Variants in IL12RB1 observed in about 807,000 individuals in gnomAD.
IL12RB1 encodes the protein interleukin-12 receptor subunit beta-1.
Under a neutral mutation model 94.4 loss-of-function variants are expected in IL12RB1, and 64 were observed. The ratio of observed to expected loss-of-function variants is 0.68; its 90% CI spans 0.55 to 0.83. The LOEUF is 0.83. Among genes scored for constraint, IL12RB1 ranks in the 40% least tolerant of loss-of-function variants. The pLI, the probability that IL12RB1 is intolerant of heterozygous loss-of-function variation, is 0.00. For missense variants in IL12RB1, 814 were observed against 855.6 expected, an observed-to-expected ratio of 0.95 and a Z score of 0.61; for synonymous variants, 362 against 355.5, an observed-to-expected ratio of 1.02 and a Z score of -0.21.
intron 10 of IL12RB1, 52 bp downstream of exon 10, chr19:18,069,494 T>G: frequency 6.6e-7 from 1 of 1,521,844 alleles, no homozygotes; most frequent in Non-Finnish European, 8.8e-7. Flanking sequence ...CACCAGGACC[T>G]AAAAGGGAGG....
intron 12 of IL12RB1, among the ~76,000 whole-genome samples, chr19:18,064,240 C>T (rs2034402744): frequency 6.8e-6 from 1 of 145,986 alleles, no homozygotes; most frequent in African/African-American, 2.5e-5. Flanking sequence ...CCTGGGTTCA[C>T]ACCATTCTCC....
chr19:18,095,188 A>T (rs1346686846), intron 1 of IL12RB1, among the ~76,000 whole-genome samples: 1 of 152,150 alleles, frequency 6.6e-6, no homozygotes, highest in Non-Finnish European at 1.5e-5. Flanking sequence ...CAAAATAAAT[A>T]AATAAAGAAA....
At chr19:18,064,717 G>T (rs542520008) in intron 12 of IL12RB1, among the ~76,000 whole-genome samples, 1 of 151,972 alleles carries the variant, frequency 6.6e-6, no homozygotes, top group South Asian at 2.1e-4. Flanking sequence ...CAAGTGATCC[G>T]CCCGCCTCAG....
upstream of IL12RB1, among the ~76,000 whole-genome samples, chr19:18,087,712 G>A (rs943221604): frequency 1.3e-5 from 2 of 151,310 alleles, no homozygotes; most frequent in African/African-American, 4.9e-5. Flanking sequence ...TTAAGAGAGG[G>A]GGTTTTGCCA....
chr19:18,098,901 A>G, exon 1 of IL12RB1: 1 of 410,358 alleles, frequency 2.4e-6, no homozygotes, highest in Non-Finnish European at 4.9e-6. Flanking sequence ...CGGAGTGATC[A>G]GTTGTGATAA....
chr19:18,077,519 C>A lies in IL12RB1; in HGVS notation c.546G>T (p.Lys182Asn). 1 of 1,609,626 alleles carries A rather than the reference C, an allele frequency of 6.2e-7. No homozygotes were observed. The highest frequency in any genetic ancestry group is 8.5e-7 in the Non-Finnish European group (1 of 1,177,678). ...FRHRTPSSPW[K>N]LGDCGPQDDD... ...TGGACTTGGGAAACAAACTCACCAA[C>A]TTCCATGGGCTGCTGGGTGTCCGGT... is the stretch of plus-strand genomic sequence containing the variant. Residue 182 changes from lysine (K) to asparagine (N), a missense_variant, in exon 5 of 17, where the codon AAG becomes AAT. By Grantham distance (94) the Lys-to-Asn change is moderately conservative. Transcript: ENST00000593993.
chr19:18,066,717 C>A lies in IL12RB1; in HGVS notation c.1328-20G>T. The A allele has an allele frequency of 1.3e-6, 2 of 1,598,110 alleles. No homozygotes were observed. The highest frequency in any genetic ancestry group is 2.2e-5 in the South Asian group (2 of 90,810). On this transcript the variant is annotated intron_variant, in intron 11 of 16. Coordinates refer to ENST00000593993, the MANE Select transcript of IL12RB1 (RefSeq NM_005535.3). Reference sequence around the variant, plus strand: ...CTGAGGCTGCAACCAGTACCATTGTCATAGTCAACACCAAGAATGCTGGTC... The same window carrying A: ...CTGAGGCTGCAACCAGTACCATTGTAATAGTCAACACCAAGAATGCTGGTC...
chr19:18,086,655 C>A, intron 1 of IL12RB1, 105 bp downstream of exon 1: 1 of 1,095,354 alleles, frequency 9.1e-7, no homozygotes, highest in Non-Finnish European at 1.3e-6. Flanking sequence ...AAGACTGAGG[C>A]ACAGAGAGAT....
At chr19:18,065,238 G>T (rs2034492862) in intron 12 of IL12RB1, among the ~76,000 whole-genome samples, 1 of 152,124 alleles carries the variant, frequency 6.6e-6, no homozygotes, top group African/African-American at 2.4e-5. Context: ...TGTTTTGTGG[G>T]CTTTCCTGTC....
upstream of IL12RB1, among the ~76,000 whole-genome samples, chr19:18,090,460 C>A (rs1223135762): frequency 6.6e-6 from 1 of 152,190 alleles, no homozygotes; most frequent in Admixed American, 6.5e-5. Flanking sequence ...CCCTCACTTG[C>A]CTTATTTCAC....
upstream of IL12RB1, among the ~76,000 whole-genome samples, chr19:18,087,827 G>A (rs1325667457): frequency 1.3e-5 from 2 of 151,910 alleles, no homozygotes; most frequent in African/African-American, 4.8e-5. Flanking sequence ...GGGCCATCTC[G>A]CCAGCTTCTG....
intron 2 of IL12RB1, among the ~76,000 whole-genome samples, chr19:18,082,819 G>A (rs1273778802): frequency 6.6e-6 from 1 of 152,132 alleles, no homozygotes. Context: ...GCTCATTCCT[G>A]GAATCCCAGC....
chr19:18,077,579 C>T lies in IL12RB1; in HGVS notation c.486G>A (p.Pro162=), dbSNP rs759272558. ...AGQLRMEWET[P]DNQVGAEVQF... is the part of the protein sequence containing the mutation. ...GCACCTCAGCACCAACCTGGTTATC[C>T]GGGGTCTCCCACTCCATACGCAGCT... is the stretch of plus-strand genomic sequence containing the variant. The change falls in exon 5 of 17, where the codon CCG becomes CCA. Residue 162 remains proline (P), a synonymous_variant. Coordinates refer to ENST00000593993, the MANE Select transcript of IL12RB1 (RefSeq NM_005535.3). 6.8e-6 allele frequency: 11 copies of T among 1,608,698 alleles called. No individual in the cohort carries two copies. The highest frequency in any genetic ancestry group is 2.7e-5 in the African/African-American group (2 of 74,902).
upstream of IL12RB1, among the ~76,000 whole-genome samples, chr19:18,087,193 C>T (rs539760125): frequency 6.7e-6 from 1 of 150,040 alleles, no homozygotes; most frequent in African/African-American, 2.5e-5. Flanking sequence ...GGCCAGGTCT[C>T]TGGCCCTCTC....
chr19:18,077,080 G>A (rs2035534435), intron 5 of IL12RB1, among the ~76,000 whole-genome samples: 1 of 152,126 alleles, frequency 6.6e-6, no homozygotes, highest in Non-Finnish European at 1.5e-5. Flanking sequence ...ATTTTAGTGG[G>A]AGCAAGGCGT....
intron 5 of IL12RB1, among the ~76,000 whole-genome samples, chr19:18,076,943 G>A (rs2035526095): frequency 6.6e-6 from 1 of 152,172 alleles, no homozygotes; most frequent in South Asian, 2.1e-4. Context: ...AATGCCTGGA[G>A]TTTATGTAAG....
At chr19:18,071,343 GA>G (rs549559073) in intron 9 of IL12RB1, 51 of 924,400 alleles carry the variant, frequency 5.5e-5, no homozygotes, top group African/African-American at 8.5e-5. Flanking sequence ...TCTGTCACAA[GA>G]AAAAAAAGAA....
chr19:18,086,968 C>A, upstream of IL12RB1: 1 of 1,521,322 alleles, frequency 6.6e-7, no homozygotes, highest in South Asian at 1.2e-5. Context: ...AGTAAAGTGT[C>A]ACAGCCCATC....
chr19:18,089,872 A>C (rs541605521), upstream of IL12RB1, among the ~76,000 whole-genome samples: 2 of 152,296 alleles, frequency 1.3e-5, no homozygotes, highest in South Asian at 4.1e-4. Flanking sequence ...GGCGCCCAGC[A>C]GGCTATGAGG....
Sources: gnomAD v4.1 joint callset for allele counts (sites outside exome capture counted in the v4.1 genomes callset) on GRCh38, gnomAD v4.1.1 for gene constraint, MANE v1.5 for transcripts, NCBI Gene and HGNC (gene_info 2026-07-23, HGNC 2026-07-21) for gene names.